The following TRIM23 variants were observed in gnomAD, a reference collection of about 807,000 sequenced individuals.
TRIM23 encodes E3 ubiquitin-protein ligase TRIM23.
Under a neutral mutation model 71.0 loss-of-function variants are expected in TRIM23, and 27 were observed. The observed-to-expected ratio is 0.38, with a 90% CI of 0.28 to 0.52. TRIM23 has a LOEUF of 0.52. Ranked by LOEUF, TRIM23 falls within the 20% of genes least tolerant of loss-of-function variation. The pLI is 0.84. For missense variants in TRIM23, 482 were observed against 692.3 expected (o/e 0.70, Z 3.41); for synonymous variants, 234 against 238.0 (o/e 0.98, Z 0.16).
At chr5:65,624,164 G>A (rs154854) in intron 1 of TRIM23, 30 bp downstream of exon 1, 1,038,105 of 1,613,096 alleles carry the variant, frequency 0.64, 336,295 homozygotes, top group South Asian at 0.67. Flanking sequence ...GAGGCCGATG[G>A]TGGAGAATAG....
chr5:65,608,944 G>GAA (rs199943300), intron 6 of TRIM23, among the ~76,000 whole-genome samples: 40 of 114,910 alleles, frequency 3.5e-4, no homozygotes, highest in East Asian at 1.3e-3. Context: ...ACTCCAAGCA[G>GAA]AAAAAAAAAA....
At chr5:65,619,848 G>A (rs1203684837) in intron 1 of TRIM23, among the ~76,000 whole-genome samples, 2 of 152,118 alleles carry the variant, frequency 1.3e-5, no homozygotes, top group Non-Finnish European at 2.9e-5. Context: ...TTGGGAGGCC[G>A]AGGCGAGTGG....
chr5:65,612,078 A>G (rs1425095634), intron 3 of TRIM23, among the ~76,000 whole-genome samples, 197 bp from the exon 4 acceptor site: 1 of 152,234 alleles, frequency 6.6e-6, no homozygotes, highest in African/African-American at 2.4e-5. Flanking sequence ...GCTATTTCCA[A>G]GATTAACTGG....
At position 65,604,949 on chromosome 5, in the gene TRIM23, T is replaced by G. The variant is rs757586723; in HGVS notation, c.1141A>C (p.Ile381Leu). The change falls in exon 7 of 11, where the codon ATT becomes CTT. Residue 381 changes from isoleucine (I) to leucine (L), a missense_variant. By Grantham distance (5) the Ile-to-Leu change is conservative. Transcript: ENST00000231524. ...ACAGGGATGCTGGCATCCAACTGAA[T>G]GTGATCTGCAACTTCTGTAAACTGC... Reference protein sequence around the residue: ...QQQFTEVADHIQLDASIPVTF... With the variant: ...QQQFTEVADHLQLDASIPVTF... 1.2e-6 allele frequency: 2 copies of G among 1,614,002 alleles called. No individual in the cohort carries two copies. The highest frequency in any genetic ancestry group is 2.2e-5 in the South Asian group (2 of 91,064).
intron 7 of TRIM23, among the ~76,000 whole-genome samples, chr5:65,599,495 AAC>A (rs574101367): frequency 5.1e-4 from 78 of 152,324 alleles, no homozygotes; most frequent in Non-Finnish European, 8.7e-4. Context: ...TAATGGCAAA[AAC>A]CACTATTACT....
At position 65,610,887 on chromosome 5, in the gene TRIM23, C is replaced by A; in HGVS notation, c.802G>T (p.Gly268Ter). The A allele has an allele frequency of 1.2e-6, 2 of 1,609,522 alleles. No individual in the cohort carries two copies. The highest frequency in any genetic ancestry group is 1.1e-5 in the South Asian group (1 of 89,938). ...TGTTCTGTGTGAGCCATTCCAATTCCATCTTCCACGATTTGTTCTCCTCCT... is the reference window on the plus strand; with the variant it reads ...TGTTCTGTGTGAGCCATTCCAATTCAATCTTCCACGATTTGTTCTCCTCCT... The part of the protein sequence containing the change: ...IEGGEQIVED[G>*]IGMAHTEHVP... Residue 268 changes from glycine to a stop codon, truncating the protein, a stop_gained, in exon 5 of 11, where the codon GGA (glycine) becomes TGA (stop). Coordinates refer to ENST00000231524, the MANE Select transcript of TRIM23 (RefSeq NM_001656.4). LOFTEE classifies it high-confidence loss of function.
intron 9 of TRIM23, among the ~76,000 whole-genome samples, chr5:65,596,200 G>A (rs42882): frequency 0.62 from 94,312 of 151,964 alleles, 29,522 homozygotes; most frequent in South Asian, 0.65. Flanking sequence ...TCTAAGCTAC[G>A]TATGGTTTTT....
At chr5:65,621,583 G>C (rs1026496588) in intron 1 of TRIM23, among the ~76,000 whole-genome samples, 2 of 151,938 alleles carry the variant, frequency 1.3e-5, no homozygotes, top group Non-Finnish European at 2.9e-5. Context: ...CCATTGATTA[G>C]CAAACCAAAC....
chr5:65,595,389 C>CG (rs1480532898), intron 9 of TRIM23, among the ~76,000 whole-genome samples: 1 of 151,884 alleles, frequency 6.6e-6, no homozygotes, highest in Non-Finnish European at 1.5e-5. Flanking sequence ...AACCCCGTCT[C>CG]TACTAAAAAT....
At position 65,609,474 on chromosome 5, in the gene TRIM23, T is replaced by TA; in HGVS notation, c.829-17dup. The TA allele has an allele frequency of 6.2e-7, 1 of 1,605,894 alleles. No homozygotes were observed. Among genetic ancestry groups the TA allele is most frequent in the East Asian group, 2.2e-5 (1 of 44,688 alleles). ...TCCCTGGTACCTAAGAAAATGAAAA[T>TA]AAATTTTAAGCAACTGTAATGTTAA... On this transcript the variant is annotated splice_polypyrimidine_tract_variant and intron_variant, in intron 5 of 10. Transcript: ENST00000231524.
intron 1 of TRIM23, among the ~76,000 whole-genome samples, chr5:65,619,947 A>G (rs1754884757): frequency 6.6e-6 from 1 of 152,054 alleles, no homozygotes; most frequent in African/African-American, 2.4e-5. Context: ...AGCCAGGCAT[A>G]GTGGTGGGCG....
chr5:65,616,467 C>A (rs1234645732), intron 2 of TRIM23, among the ~76,000 whole-genome samples: 4 of 151,576 alleles, frequency 2.6e-5, no homozygotes, highest in Admixed American at 2.6e-4. Context: ...CATGGTGAAA[C>A]CCCATCTCTA....
At chr5:65,617,481 T>C (rs1754805627) in intron 2 of TRIM23, among the ~76,000 whole-genome samples, 1 of 152,202 alleles carries the variant, frequency 6.6e-6, no homozygotes, top group African/African-American at 2.4e-5. Context: ...CTTACGTTTG[T>C]AAAATAACTG....
Position 65,614,106 on chromosome 5 carries a change from A to C in TRIM23, c.358T>G (p.Ser120Ala). 3 of 1,613,700 alleles carry C rather than the reference A, an allele frequency of 1.9e-6. No homozygotes were observed. The highest frequency in any genetic ancestry group is 1.7e-6 in the Non-Finnish European group (2 of 1,179,888). Residue 120 changes from serine (S) to alanine (A), a missense_variant, in exon 3 of 11, where the codon TCT (serine) becomes GCT (alanine). By Grantham distance (99) the Ser-to-Ala change is moderately conservative (BLOSUM62 1). Coordinates refer to ENST00000231524, the MANE Select transcript of TRIM23 (RefSeq NM_001656.4). ...YGAAEESIGI[S>A]GESIIRCDED... Reference sequence around the variant, plus strand: ...CCAAGTATGATCAATACCTCTCCAGATATCCCAATGGATTCTTCTGCAGCT... The same window carrying C: ...CCAAGTATGATCAATACCTCTCCAGCTATCCCAATGGATTCTTCTGCAGCT...
At chr5:65,620,016 C>T (rs543740931) in intron 1 of TRIM23, among the ~76,000 whole-genome samples, 13 of 152,136 alleles carry the variant, frequency 8.5e-5, no homozygotes, top group East Asian at 3.9e-4. Flanking sequence ...GCCTGGGAGG[C>T]GGAGGTTGCA....
intron 7 of TRIM23, among the ~76,000 whole-genome samples, chr5:65,598,748 CAAA>C (rs34575401): frequency 1.5e-5 from 2 of 134,950 alleles, no homozygotes; most frequent in African/African-American, 2.7e-5. Context: ...AACTCCGCCT[CAAA>C]AAAAAAAAAA....
chr5:65,618,248 T>G lies in TRIM23; in HGVS notation c.89A>C (p.Glu30Ala). ...SRGTAVVKVL[E>A]CGVCEDVFSL... is the part of the protein sequence containing the mutation. ...AAAGACATCTTCACAAACTCCACAC[T>G]CTAGCACCTAATATTTGAAAAGGAA... Residue 30 changes from glutamate (E) to alanine (A), a missense_variant, in exon 2 of 11, where the codon GAG becomes GCG. Physicochemically the swap from Glu to Ala is moderately radical, Grantham distance 107. Around this residue, in one of 2 missense-constraint regions of TRIM23, gnomAD observed 175 missense variants for 196.5 expected, o/e 0.89. Coordinates refer to ENST00000231524, the MANE Select transcript of TRIM23 (RefSeq NM_001656.4). 1 of 1,608,516 alleles carries G rather than the reference T, an allele frequency of 6.2e-7. No individual in the cohort carries two copies. Among genetic ancestry groups the G allele is most frequent in the South Asian group, 1.1e-5 (1 of 89,762 alleles).
At chr5:65,608,348 A>G (rs2150633076) in intron 6 of TRIM23, among the ~76,000 whole-genome samples, 1 of 152,288 alleles carries the variant, frequency 6.6e-6, no homozygotes, top group South Asian at 2.1e-4. Flanking sequence ...GTAGGTTTGG[A>G]GCTGAAAATC....
intron 7 of TRIM23, 34 bp from the exon 8 acceptor site, chr5:65,597,214 TG>T: frequency 6.2e-7 from 1 of 1,607,962 alleles, no homozygotes; most frequent in Middle Eastern, 1.7e-4. Context: ...ATGTTTGACA[TG>T]CAGTTAGAAA....
Sources: gnomAD v4.1 joint callset for allele counts (sites outside exome capture counted in the v4.1 genomes callset) on GRCh38, gnomAD v4.1.1 for gene constraint, gnomAD v4.1.1 regional missense constraint, MANE v1.5 for transcripts, NCBI Gene and HGNC (gene_info 2026-07-23, HGNC 2026-07-21) for gene names.